Variants in AGMO observed in about 807,000 individuals in gnomAD.
AGMO encodes the protein alkylglycerol monooxygenase.
AGMO carries 75 observed loss-of-function variants against 60.2 expected under a neutral mutation model. The ratio of observed to expected loss-of-function variants is 1.25; its 90% CI spans 1.03 to 1.51. AGMO has a LOEUF of 1.51. Among genes scored for constraint, AGMO ranks in the 40% most tolerant of loss-of-function variants. The pLI is 0.00. For missense variants in AGMO, 763 were observed against 525.5 expected, an observed-to-expected ratio of 1.45 and a Z score of -4.42; for synonymous variants, 261 against 177.1, an observed-to-expected ratio of 1.47 and a Z score of -3.76.
chr7:15,292,058 C>A (rs1023495540), intron 12 of AGMO, among the ~76,000 whole-genome samples: 4 of 83,088 alleles, frequency 4.8e-5, no homozygotes, highest in African/African-American at 1.7e-4. Flanking sequence ...AATCTGCAGA[C>A]AATGAGGAGT....
At chr7:15,405,571 A>G (rs759457250) in intron 5 of AGMO, among the ~76,000 whole-genome samples, 37 of 151,900 alleles carry the variant, frequency 2.4e-4, no homozygotes, top group Admixed American at 4.6e-4. Context: ...TCTAGTTCGG[A>G]CTTTATGAAC....
chr7:15,402,792 T>C (rs572877488), intron 5 of AGMO, among the ~76,000 whole-genome samples: 2 of 151,740 alleles, frequency 1.3e-5, no homozygotes, highest in Admixed American at 6.6e-5. Flanking sequence ...AAACCTGTAT[T>C]TATAAATTCT....
intron 2 of AGMO, 22 bp from the exon 3 acceptor site, chr7:15,544,945 C>T: frequency 6.8e-7 from 1 of 1,472,648 alleles, no homozygotes. Context: ...AATTCACAAT[C>T]AGTGATTATA....
At chr7:15,391,421 C>G (rs1424217668) in intron 6 of AGMO, among the ~76,000 whole-genome samples, 1 of 151,862 alleles carries the variant, frequency 6.6e-6, no homozygotes, top group Non-Finnish European at 1.5e-5. Flanking sequence ...TTAACTTTTT[C>G]AAAACTCATA....
downstream of AGMO, among the ~76,000 whole-genome samples, chr7:15,196,741 C>A (rs1279389668): frequency 1.3e-5 from 2 of 152,130 alleles, no homozygotes; most frequent in Non-Finnish European, 2.9e-5. Context: ...TAATGTAAAT[C>A]AAGACAAGTT....
At chr7:15,501,870 T>C (rs1290604997) in intron 3 of AGMO, among the ~76,000 whole-genome samples, 2 of 151,686 alleles carry the variant, frequency 1.3e-5, no homozygotes, top group Admixed American at 6.6e-5. Context: ...GAAAAAAAAA[T>C]TGATTTCAAG....
chr7:15,201,744 G>A (rs1185542571), intron 12 of AGMO, among the ~76,000 whole-genome samples: 1 of 152,046 alleles, frequency 6.6e-6, no homozygotes, highest in African/African-American at 2.4e-5. Context: ...TGGAATAGGA[G>A]AAGTAAAAAC....
chr7:15,223,344 T>C (rs1019136460), intron 12 of AGMO, among the ~76,000 whole-genome samples: 6 of 151,950 alleles, frequency 3.9e-5, no homozygotes, highest in Non-Finnish European at 7.4e-5. Context: ...TTTGATAAAA[T>C]TGTAGCTTCA....
At position 15,255,713 on chromosome 7, in the gene AGMO, C is replaced by A. The variant is rs1050722955; in HGVS notation, c.1264-54354G>T. 3.9e-5 allele frequency among the ~76,000 whole-genome samples: 6 copies of A among 152,040 alleles called. No homozygotes were observed. In the East Asian group the frequency reaches 9.7e-4, roughly 25 times the overall value. ...AGACGCATAAATGGTTAAATATATG[C>A]AAATTAATAAAAGTTATACATTGCA... is the stretch of plus-strand genomic sequence containing the variant. On this transcript the variant is annotated intron_variant, in intron 12 of 12. Transcript: ENST00000342526.
rs543862794 is a variant in AGMO at position 15,393,936 on chromosome 7, A to C, written c.676+177T>G. 1.4e-3 allele frequency among the ~76,000 whole-genome samples: 126 copies of C among 92,218 alleles called. 1 individual carries two copies. Among genetic ancestry groups the C allele is most frequent in the African/African-American group, 5.7e-3 (120 of 21,006 alleles). The allele number at this position is 92,218 out of a possible 152,430, so 60.5% of individuals were successfully genotyped here. On this transcript the variant is annotated intron_variant, in intron 6 of 12. Transcript: ENST00000342526. ...CTACCCCACCCCACCCCACCCCACC[A>C]GTTCATACTTTGGAGATGAGGCTTG...
At chr7:15,436,122 C>T (rs1037651180) in intron 3 of AGMO, among the ~76,000 whole-genome samples, 1 of 152,154 alleles carries the variant, frequency 6.6e-6, no homozygotes. Context: ...GGTAGTGATG[C>T]TTGACACCAC....
At chr7:15,372,746 T>G (rs1783270218) in intron 10 of AGMO, among the ~76,000 whole-genome samples, 1 of 152,186 alleles carries the variant, frequency 6.6e-6, no homozygotes, top group Admixed American at 6.5e-5. Flanking sequence ...CAGGGAGGAT[T>G]TTATTTTTTC....
chr7:15,376,802 T>C (rs964375346), intron 10 of AGMO, among the ~76,000 whole-genome samples: 2 of 152,066 alleles, frequency 1.3e-5, no homozygotes, highest in Admixed American at 6.6e-5. Flanking sequence ...TTTTCAAGGA[T>C]TACTAAACCA....
In AGMO at chr7:15,258,912, AG is replaced by A. The variant is rs201564763; in HGVS notation, c.1264-57554del. 3.3e-3 allele frequency among the ~76,000 whole-genome samples: 500 copies of A among 152,268 alleles called. 2 individuals carry two copies. The highest frequency in any genetic ancestry group is 0.022 in the Admixed American group (337 of 15,294). ...ACAAGGGAGCACTCCACAGGAAAAA[AG>A]AATCTGAACAGCAGTCCTTGAATCT... On this transcript the variant is annotated intron_variant, in intron 12 of 12. Transcript: ENST00000342526.
chr7:15,352,885 G>A (rs964838049), intron 12 of AGMO, among the ~76,000 whole-genome samples: 4 of 152,014 alleles, frequency 2.6e-5, no homozygotes, highest in African/African-American at 7.3e-5. Context: ...AATTCCTTGT[G>A]TGCTGACATG....
At chr7:15,138,613 T>TA in the AGMO span, among the ~76,000 whole-genome samples, 68,210 of 151,958 alleles carry the variant, frequency 0.45, 15,660 homozygotes, top group East Asian at 0.66. Context: ...TTGCAGCACA[T>TA]ACAATCAAGA....
chr7:15,344,835 A>T (rs1269859906), intron 12 of AGMO, among the ~76,000 whole-genome samples: 1 of 146,022 alleles, frequency 6.8e-6, no homozygotes, highest in Non-Finnish European at 1.5e-5. Flanking sequence ...CCTAAACTTA[A>T]ATAAAACATC....
chr7:15,275,065 GTTATT>G (rs1783740387), intron 12 of AGMO, among the ~76,000 whole-genome samples: 1 of 151,582 alleles, frequency 6.6e-6, no homozygotes, highest in Non-Finnish European at 1.5e-5. Context: ...TCTAATGTTT[GTTATT>G]TCTTTTCTTT....
intron 3 of AGMO, among the ~76,000 whole-genome samples, chr7:15,507,044 T>G (rs1271792027): frequency 1.3e-5 from 2 of 152,010 alleles, no homozygotes; most frequent in Non-Finnish European, 1.5e-5. Context: ...TGCTTTATTT[T>G]TTAAAAAAGA....
Sources: gnomAD v4.1 joint callset for allele counts (sites outside exome capture counted in the v4.1 genomes callset) on GRCh38, gnomAD v4.1.1 for gene constraint, MANE v1.5 for transcripts, NCBI Gene and HGNC (gene_info 2026-07-23, HGNC 2026-07-21) for gene names.